The following TSG101 variants were observed in gnomAD, a reference collection of about 807,000 sequenced individuals.
The protein encoded by TSG101 is tumor susceptibility gene 101 protein.
Under a neutral mutation model 48.5 loss-of-function variants are expected in TSG101, and 19 were observed. That is an observed-to-expected ratio of 0.39 (90% CI 0.27 to 0.58). The LOEUF (loss-of-function observed/expected upper bound fraction) is 0.58. TSG101 is among the 20% of genes least tolerant of loss of function. TSG101 has a pLI of 0.55. For synonymous variants in TSG101, 174 were observed against 169.4 expected, an observed-to-expected ratio of 1.03 and a Z score of -0.21; for missense variants, 365 against 484.4, an observed-to-expected ratio of 0.75 and a Z score of 2.31.
chr11:18,516,885 G>C (rs559051317), intron 2 of TSG101, among the ~76,000 whole-genome samples: 1 of 151,966 alleles, frequency 6.6e-6, no homozygotes, highest in South Asian at 2.1e-4. Flanking sequence ...AGGTTGCAGT[G>C]AGCCGAGACT....
At chr11:18,499,057 A>G (rs1361729137) in intron 7 of TSG101, among the ~76,000 whole-genome samples, 3 of 151,466 alleles carry the variant, frequency 2.0e-5, no homozygotes, top group Non-Finnish European at 4.4e-5. Context: ...AAAAAGTCCA[A>G]AAGGAGGTTT....
chr11:18,486,954 T>A (rs1299799517), intron 7 of TSG101, among the ~76,000 whole-genome samples: 37 of 151,996 alleles, frequency 2.4e-4, no homozygotes, highest in African/African-American at 8.7e-4. Flanking sequence ...AATGATGAGT[T>A]CATGTCCTTT....
At chr11:18,500,160 A>G (rs1565087830) in intron 7 of TSG101, among the ~76,000 whole-genome samples, 1 of 152,038 alleles carries the variant, frequency 6.6e-6, no homozygotes, top group Non-Finnish European at 1.5e-5. Context: ...TGACGTTTTC[A>G]TTCTTTTTAT....
chr11:18,501,497 C>A (rs1183381556), intron 7 of TSG101, among the ~76,000 whole-genome samples: 1 of 152,170 alleles, frequency 6.6e-6, no homozygotes, highest in Non-Finnish European at 1.5e-5. Context: ...CAATACCATG[C>A]TGTTTCGGTT....
rs111910766 is a variant in TSG101 at position 18,500,353 on chromosome 11, T to C, written c.640+2133A>G. Among the ~76,000 whole-genome samples the C allele has an allele frequency of 9.2e-5, 14 of 152,346 alleles. No individual in the cohort carries two copies. The East Asian group carries it at 1.5e-3, about 17-fold the overall frequency. On this transcript the variant is annotated intron_variant, in intron 7 of 9. Transcript: ENST00000251968. The stretch of plus-strand genomic sequence containing the variant: ...CTTGGATAAATACCCAGCAGTGGGA[T>C]TGCTGAACTGTCTGGTAGTTCTAAT...
chr11:18,490,950 T>G (rs1432402909), intron 7 of TSG101: 15 of 313,358 alleles, frequency 4.8e-5, no homozygotes, highest in Non-Finnish European at 6.4e-6. Flanking sequence ...CTCACTTTTA[T>G]CCAGTCGTTC....
chr11:18,516,173 A>G lies in TSG101; in HGVS notation c.128-9T>C. ...ACTGCCATCGTTAAAAACTGAAAGG[A>G]AAGAACAATGATTTAATCATGAGCA... On this transcript the variant is annotated splice_polypyrimidine_tract_variant and intron_variant, in intron 2 of 9. Coordinates refer to ENST00000251968, the MANE Select transcript of TSG101 (RefSeq NM_006292.4). 1 of 1,613,074 alleles carries G rather than the reference A, an allele frequency of 6.2e-7. No individual in the cohort carries two copies. Among genetic ancestry groups the G allele is most frequent in the Non-Finnish European group, 8.5e-7 (1 of 1,179,302 alleles).
chr11:18,504,035 C>A (rs1050406846), intron 6 of TSG101, among the ~76,000 whole-genome samples: 3 of 151,742 alleles, frequency 2.0e-5, no homozygotes, highest in African/African-American at 7.3e-5. Context: ...GAAACCATTT[C>A]TACAAAAATA....
intron 5 of TSG101, among the ~76,000 whole-genome samples, chr11:18,508,221 CTTTTTTTT>C (rs528297285): frequency 7.4e-6 from 1 of 135,896 alleles, no homozygotes; most frequent in Non-Finnish European, 1.6e-5. Context: ...TATTTGATAT[CTTTTTTTT>C]TTTTTTTTTT....
At chr11:18,504,723 C>G (rs1849941767) in intron 6 of TSG101, among the ~76,000 whole-genome samples, 1 of 152,176 alleles carries the variant, frequency 6.6e-6, no homozygotes, top group Non-Finnish European at 1.5e-5. Flanking sequence ...GAGAAATCTC[C>G]ATCTGTAGCT....
At chr11:18,518,542 T>C (rs1201455716) in intron 2 of TSG101, among the ~76,000 whole-genome samples, 2 of 152,242 alleles carry the variant, frequency 1.3e-5, no homozygotes, top group African/African-American at 4.8e-5. Flanking sequence ...AGCGTTGTCT[T>C]GCCTTACAAC....
At chr11:18,499,287 T>C (rs974292834) in intron 7 of TSG101, among the ~76,000 whole-genome samples, 1 of 116,770 alleles carries the variant, frequency 8.6e-6, no homozygotes, top group Admixed American at 1.1e-4. Flanking sequence ...ATATATATCA[T>C]ATATATTTAT....
chr11:18,494,949 CCTTT>C (rs771380141), intron 7 of TSG101, among the ~76,000 whole-genome samples: 3 of 152,136 alleles, frequency 2.0e-5, no homozygotes, highest in Non-Finnish European at 2.9e-5. Context: ...TTCACCTTTT[CCTTT>C]CTTTATCTAA....
rs1489030380 is a variant in TSG101 at position 18,514,189 on chromosome 11, G to A, written c.357+489C>T. Among the ~76,000 whole-genome samples, 4 of 151,998 alleles carry A rather than the reference G, an allele frequency of 2.6e-5. No individual in the cohort carries two copies. The East Asian group carries it at 7.7e-4, about 29-fold the overall frequency. ...TCTCTACAGAATCTTGGCCATACAT[G>A]TCTTGATTGCCTAAACAGCTTTCCA... On this transcript the variant is annotated intron_variant, in intron 4 of 9. Coordinates refer to ENST00000251968, the MANE Select transcript of TSG101 (RefSeq NM_006292.4).
At chr11:18,494,389 G>C (rs1308166138) in intron 7 of TSG101, among the ~76,000 whole-genome samples, 1 of 152,120 alleles carries the variant, frequency 6.6e-6, no homozygotes, top group Non-Finnish European at 1.5e-5. Context: ...TTATGTTAGA[G>C]GTATTCTATA....
At chr11:18,525,259 C>G (rs1850349723) in intron 1 of TSG101, among the ~76,000 whole-genome samples, 1 of 152,006 alleles carries the variant, frequency 6.6e-6, no homozygotes, top group Non-Finnish European at 1.5e-5. Context: ...TCAAAAATGT[C>G]ATGGAGGCCA....
At position 18,490,440 on chromosome 11, in the gene TSG101, A is replaced by G. The variant is rs1849681794; in HGVS notation, c.641-6368T>C. 5.4e-6 allele frequency: 3 copies of G among 558,692 alleles called. No homozygotes were observed. The East Asian group carries it at 1.3e-4, about 24-fold the overall frequency. The allele number at this position is 558,692 out of a possible 1,614,324, so 34.6% of individuals were successfully genotyped here. On this transcript the variant is annotated intron_variant, in intron 7 of 9. Transcript: ENST00000251968. ...AGAGTTTAGAATCTCATAGTAAAAG[A>G]CTGAGAAATTAAGTGCCAGACCAAG...
At chr11:18,513,593 C>G (rs145018841) in intron 4 of TSG101, among the ~76,000 whole-genome samples, 97 of 152,266 alleles carry the variant, frequency 6.4e-4, no homozygotes, top group African/African-American at 2.0e-3. Flanking sequence ...AGCCACCATC[C>G]CCAGAGCTAC....
At chr11:18,519,202 A>T (rs11024695) in intron 2 of TSG101, among the ~76,000 whole-genome samples, 24,671 of 151,802 alleles carry the variant, frequency 0.16, 2,595 homozygotes, top group East Asian at 0.4. Context: ...ACGAGGTTTC[A>T]CCATATTGCC....
Sources: allele counts gnomAD v4.1 joint callset (sites outside exome capture counted in the v4.1 genomes callset), GRCh38; gene constraint gnomAD v4.1.1; transcripts MANE v1.5; gene names NCBI Gene and HGNC (gene_info 2026-07-23, HGNC 2026-07-21).